PTPRT: variants seen among roughly 807,000 people sequenced by gnomAD.
The protein encoded by PTPRT is receptor-type tyrosine-protein phosphatase T.
PTPRT carries 56 observed loss-of-function variants against 176.8 expected under a neutral mutation model. The observed-to-expected ratio is 0.32, with a 90% CI of 0.26 to 0.40. PTPRT has a LOEUF of 0.40. Among genes scored for constraint, PTPRT ranks in the 10% least tolerant of loss-of-function variants. The pLI, the probability that PTPRT is intolerant of heterozygous loss-of-function variation, is 1.00. For synonymous variants in PTPRT, 783 were observed against 739.0 expected, an observed-to-expected ratio of 1.06 and a Z score of -0.96; for missense variants, 1,540 against 1,908.2, an observed-to-expected ratio of 0.81 and a Z score of 3.60.
chr20:42,197,479 T>C (rs543940038), intron 16 of PTPRT, among the ~76,000 whole-genome samples: 3 of 134,252 alleles, frequency 2.2e-5, no homozygotes, highest in African/African-American at 8.5e-5. Flanking sequence ...GAAAACCAAA[T>C]ACAATGTGAG....
chr20:42,500,582 TA>T (rs1251846416), intron 7 of PTPRT, among the ~76,000 whole-genome samples: 6 of 152,074 alleles, frequency 3.9e-5, no homozygotes, highest in Admixed American at 3.9e-4. Flanking sequence ...TACTCCCCTT[TA>T]AAAAAATTCT....
chr20:42,565,552 G>A (rs558420749), intron 7 of PTPRT, among the ~76,000 whole-genome samples: 3 of 152,222 alleles, frequency 2.0e-5, no homozygotes, highest in East Asian at 1.9e-4. Flanking sequence ...AGAGGATCTC[G>A]TAAGCTCTCT....
chr20:42,304,446 A>G (rs553962490), intron 12 of PTPRT, among the ~76,000 whole-genome samples: 2 of 152,234 alleles, frequency 1.3e-5, no homozygotes, highest in African/African-American at 4.8e-5. Context: ...TATTCATCTT[A>G]TTATTTAATA....
intron 7 of PTPRT, among the ~76,000 whole-genome samples, chr20:42,636,169 A>G (rs916820242): frequency 4.6e-5 from 7 of 152,138 alleles, no homozygotes; most frequent in African/African-American, 1.7e-4. Flanking sequence ...TTATGGCTGC[A>G]TGGAGGTTGC....
chr20:42,572,849 C>T lies in PTPRT; in HGVS notation c.1154-100287G>A, dbSNP rs1368143056. Among the ~76,000 whole-genome samples the T allele has an allele frequency of 2.6e-5, 4 of 152,018 alleles. No homozygotes were observed. The East Asian group carries it at 7.7e-4, about 29-fold the overall frequency. On this transcript the variant is annotated intron_variant, in intron 7 of 30. Coordinates refer to ENST00000373187, the MANE Select transcript of PTPRT (RefSeq NM_007050.6). The stretch of plus-strand genomic sequence containing the variant: ...CTTCTCGGGCATCCCAGAAGCTCAC[C>T]CATACCTCTTCCAGTTACTAAGTCC...
At chr20:42,310,810 T>G (rs2057616834) in intron 12 of PTPRT, among the ~76,000 whole-genome samples, 1 of 152,204 alleles carries the variant, frequency 6.6e-6, no homozygotes. Context: ...GACTACATTT[T>G]TATCTGTAAG....
At chr20:43,117,216 T>C (rs569446342) in intron 1 of PTPRT, among the ~76,000 whole-genome samples, 87 of 152,258 alleles carry the variant, frequency 5.7e-4, no homozygotes, top group Non-Finnish European at 1.0e-3. Context: ...GGTAAAAACA[T>C]GCTGCATCTC....
chr20:42,152,176 G>A (rs1001373872), intron 17 of PTPRT, among the ~76,000 whole-genome samples: 1 of 152,224 alleles, frequency 6.6e-6, no homozygotes, highest in Non-Finnish European at 1.5e-5. Context: ...TGAGACAGGT[G>A]CACCTTTTGT....
the PTPRT span, among the ~76,000 whole-genome samples, chr20:42,047,997 C>T: frequency 6.6e-6 from 1 of 152,080 alleles, no homozygotes. Context: ...TCAAGATTCT[C>T]CTGACTTGGC....
At chr20:42,347,502 C>T (rs2058212012) in intron 11 of PTPRT, among the ~76,000 whole-genome samples, 1 of 152,148 alleles carries the variant, frequency 6.6e-6, no homozygotes, top group East Asian at 1.9e-4. Context: ...AGCTCAATAC[C>T]CCTGGGTTGC....
intron 22 of PTPRT, among the ~76,000 whole-genome samples, chr20:42,113,928 G>A (rs1639263026): frequency 2.6e-5 from 4 of 152,204 alleles, no homozygotes; most frequent in Admixed American, 2.0e-4. Flanking sequence ...CCTGGGGGTT[G>A]GAGGGGGAGC....
intron 2 of PTPRT, among the ~76,000 whole-genome samples, chr20:42,864,038 G>A (rs540019862): frequency 2.0e-5 from 3 of 152,312 alleles, no homozygotes; most frequent in South Asian, 4.1e-4. Flanking sequence ...CCCTGTTCCT[G>A]TCCCTTTTCT....
At chr20:42,727,392 G>C (rs2076397250) in intron 6 of PTPRT, among the ~76,000 whole-genome samples, 1 of 152,176 alleles carries the variant, frequency 6.6e-6, no homozygotes, top group Non-Finnish European at 1.5e-5. Flanking sequence ...AGATACAATA[G>C]CTAGCAGAGA....
intron 4 of PTPRT, among the ~76,000 whole-genome samples, chr20:42,778,655 G>A (rs775907614): frequency 1.6e-4 from 24 of 152,218 alleles, no homozygotes; most frequent in Non-Finnish European, 3.2e-4. Flanking sequence ...AGGTAGCACA[G>A]ACATCTCCCA....
chr20:43,152,927 AT>A lies in PTPRT; in HGVS notation c.88+36718del, dbSNP rs199741262. 7.9e-3 allele frequency among the ~76,000 whole-genome samples: 1,190 copies of A among 150,660 alleles called. 8 individuals carry two copies. The highest frequency in any genetic ancestry group is 0.033 in the South Asian group (158 of 4,756). ...GATTGTATTACTTAAATACTTCCCA[AT>A]TTTTTTTTTACCTACTTGTTCTACA... On this transcript the variant is annotated intron_variant, in intron 1 of 30. Transcript: ENST00000373187.
At chr20:43,006,928 G>A (rs1251875987) in intron 1 of PTPRT, among the ~76,000 whole-genome samples, 1 of 152,178 alleles carries the variant, frequency 6.6e-6, no homozygotes, top group Admixed American at 6.5e-5. Flanking sequence ...ACCACACACA[G>A]TAAGTGTAAA....
chr20:43,039,711 T>C (rs1298765811), intron 1 of PTPRT, among the ~76,000 whole-genome samples: 1 of 152,022 alleles, frequency 6.6e-6, no homozygotes, highest in Non-Finnish European at 1.5e-5. Flanking sequence ...AAAGAACTAA[T>C]AGTTCTGGTG....
At chr20:42,765,195 T>C (rs1290129987) in intron 5 of PTPRT, among the ~76,000 whole-genome samples, 1 of 152,186 alleles carries the variant, frequency 6.6e-6, no homozygotes, top group East Asian at 1.9e-4. Flanking sequence ...ATGTTATTTG[T>C]CATAAAAACC....
intron 7 of PTPRT, among the ~76,000 whole-genome samples, chr20:42,574,225 G>A (rs1423805464): frequency 1.3e-5 from 2 of 152,150 alleles, no homozygotes; most frequent in Non-Finnish European, 2.9e-5. Context: ...AAACCCGTGA[G>A]TCTGAACAAA....
Sources: gnomAD v4.1 joint callset for allele counts (sites outside exome capture counted in the v4.1 genomes callset) on GRCh38, gnomAD v4.1.1 for gene constraint, MANE v1.5 for transcripts, NCBI Gene and HGNC (gene_info 2026-07-23, HGNC 2026-07-21) for gene names.